DKKL1: variants seen among roughly 807,000 people sequenced by gnomAD.
The protein encoded by DKKL1 is dickkopf like acrosomal protein 1.
A neutral mutation model predicts 16.5 loss-of-function variants in DKKL1; 11 were observed. The observed-to-expected ratio is 0.67, with a 90% CI of 0.42 to 1.10. The LOEUF is 1.10. Ranked by LOEUF, DKKL1 falls within the 50% of genes least tolerant of loss-of-function variation. The pLI, the probability that DKKL1 is intolerant of heterozygous loss-of-function variation, is 0.00. For synonymous variants in DKKL1, 119 were observed against 133.2 expected (o/e 0.89, Z 0.73); for missense variants, 320 against 308.1 (o/e 1.04, Z -0.29).
At chr19:49,368,818 G>A (rs1412030272) in intron 4 of DKKL1, 1 of 152,006 alleles carries the variant, frequency 6.6e-6, no homozygotes, top group East Asian at 1.9e-4. Context: ...TACCTTCTGT[G>A]TCCTTGTACG....
At chr19:49,363,336 T>C (rs1296251295), upstream of DKKL1, 1 of 154,484 alleles carries the variant, frequency 6.5e-6, no homozygotes. Flanking sequence ...ACGGGACTTT[T>C]TAGTGGAGCG....
In DKKL1 at chr19:49,365,847, A is replaced by T. The variant is rs778424039; in HGVS notation, c.379A>T (p.Ile127Phe). 3.1e-6 allele frequency: 5 copies of T among 1,614,174 alleles called. No individual in the cohort carries two copies. The South Asian group carries it at 4.4e-5, about 14-fold the overall frequency. The change falls in exon 4 of 5, where the codon ATT becomes TTT. Residue 127 changes from isoleucine (I) to phenylalanine (F), a missense_variant. Coordinates refer to ENST00000221498, the MANE Select transcript of DKKL1 (RefSeq NM_014419.4). ...GATCTCCGAGAATGTGGTGGCATCC[A>T]TTCAACCAGCGGAGGGGAGCTTCGA... ...VLISENVVAS[I>F]QPAEGSFEGD...
In DKKL1 at chr19:49,374,229, G is replaced by A. The variant is rs192422068; in HGVS notation, c.418-488G>A. Among the ~76,000 whole-genome samples, 321 of 152,176 alleles carry A rather than the reference G, an allele frequency of 2.1e-3. 2 individuals are homozygous for A. Among genetic ancestry groups the A allele is most frequent in the African/African-American group, 7.5e-3 (310 of 41,536 alleles). On this transcript the variant is annotated intron_variant, in intron 4 of 4. Coordinates refer to ENST00000221498, the MANE Select transcript of DKKL1 (RefSeq NM_014419.4). ...TCTCGATCTCCTGACCTCGTGATCC[G>A]CCAGCCTCGGCCTCCCACAGTGCTG...
At position 49,363,995 on chromosome 19, in the gene DKKL1, G is replaced by T. The variant is rs1273338789; in HGVS notation, c.-4G>T. On this transcript the variant is annotated 5_prime_UTR_variant, in exon 1 of 5. Transcript: ENST00000221498. Reference sequence around the variant, plus strand: ...AAGGCGGAGCCCAGAAGAAGGGGCGGGGTATGGGAGAAGGTGAGGATTGAG... The same window carrying T: ...AAGGCGGAGCCCAGAAGAAGGGGCGTGGTATGGGAGAAGGTGAGGATTGAG... 1.2e-6 allele frequency: 2 copies of T among 1,613,342 alleles called. No homozygotes were observed. Among genetic ancestry groups the T allele is most frequent in the East Asian group, 2.2e-5 (1 of 44,882 alleles).
intron 4 of DKKL1, among the ~76,000 whole-genome samples, chr19:49,372,111 A>T (rs2146796770): frequency 6.6e-6 from 1 of 152,338 alleles, no homozygotes; most frequent in Admixed American, 6.5e-5. Context: ...GTAAAAAAAA[A>T]TAGTATAATA....
chr19:49,365,713 T>C (rs1358162136), intron 3 of DKKL1, 64 bp downstream of exon 3: 3 of 1,597,126 alleles, frequency 1.9e-6, no homozygotes, highest in Non-Finnish European at 2.6e-6. Flanking sequence ...CCATCCCTCG[T>C]GCTGCAGTAT....
chr19:49,361,907 G>A (rs953019314), upstream of DKKL1: 3 of 152,556 alleles, frequency 2.0e-5, no homozygotes, highest in African/African-American at 4.8e-5. Flanking sequence ...GTGGAGCCGG[G>A]TAAGAAAGGT....
intron 4 of DKKL1, among the ~76,000 whole-genome samples, chr19:49,371,613 T>C (rs561421746): frequency 1.3e-5 from 2 of 151,122 alleles, no homozygotes; most frequent in African/African-American, 2.5e-5. Context: ...TATTAAGACA[T>C]AGTATTTTTA....
chr19:49,368,169 C>T (rs536728372), intron 4 of DKKL1, among the ~76,000 whole-genome samples: 3 of 152,078 alleles, frequency 2.0e-5, no homozygotes, highest in South Asian at 2.1e-4. Flanking sequence ...AAAAATTAGC[C>T]GGGCATGGCA....
chr19:49,364,759 G>A lies in DKKL1; in HGVS notation c.183+5G>A. The A allele has an allele frequency of 1.9e-6, 3 of 1,611,856 alleles. No individual in the cohort carries two copies. Among genetic ancestry groups the A allele is most frequent in the East Asian group, 4.5e-5 (2 of 44,872 alleles). ...TTCAGCCGACTTTTCCTGAAAGTAAGCGATGGCGGGGGGATGGGGGAAGAA... is the reference window on the plus strand; with the variant it reads ...TTCAGCCGACTTTTCCTGAAAGTAAACGATGGCGGGGGGATGGGGGAAGAA... On this transcript the variant is annotated splice_donor_5th_base_variant and intron_variant, in intron 2 of 4. Transcript: ENST00000221498.
At chr19:49,368,835 A>G (rs951904681) in intron 4 of DKKL1, 1 of 152,192 alleles carries the variant, frequency 6.6e-6, no homozygotes, top group African/African-American at 2.4e-5. Flanking sequence ...TACGTTAACC[A>G]AGATATTTGG....
rs773314827 is a variant in DKKL1 at position 49,365,782 on chromosome 19, G to T, written c.325-11G>T. 7.4e-6 allele frequency: 12 copies of T among 1,613,248 alleles called. No homozygotes were observed. The highest frequency in any genetic ancestry group is 1.0e-5 in the Non-Finnish European group (12 of 1,179,672). The stretch of plus-strand genomic sequence containing the variant: ...CAGGTTTGCTCTCACTCTCTCATCG[G>T]ATCCTCACAGATGACCGACAACAAG... On this transcript the variant is annotated splice_polypyrimidine_tract_variant and intron_variant, in intron 3 of 4. Transcript: ENST00000221498.
chr19:49,361,089 A>G (rs111064775), upstream of DKKL1, among the ~76,000 whole-genome samples: 24,048 of 102,010 alleles, frequency 0.24, 3,402 homozygotes, highest in African/African-American at 0.28. Context: ...CAGAGACCCA[A>G]AAAGAGAGGG....
upstream of DKKL1, among the ~76,000 whole-genome samples, chr19:49,362,733 G>C (rs1251880356): frequency 6.6e-6 from 1 of 151,044 alleles, no homozygotes; most frequent in Non-Finnish European, 1.5e-5. Context: ...CTGGGTCTGG[G>C]AGAGGAAGCG....
chr19:49,370,585 A>G (rs1286625075), intron 4 of DKKL1: 1 of 152,130 alleles, frequency 6.6e-6, no homozygotes, highest in East Asian at 1.9e-4. Context: ...AGCCAAGGAA[A>G]AAGTTCCCAT....
intron 4 of DKKL1, among the ~76,000 whole-genome samples, chr19:49,368,488 A>AAAATAAATAAAT (rs1039855646): frequency 8.6e-5 from 13 of 151,158 alleles, no homozygotes; most frequent in African/African-American, 3.2e-4. Flanking sequence ...TCTGTCTCAA[A>AAAATAAATAAAT]AAATAAATAA....
At chr19:49,360,920 G>T (rs1972831002), upstream of DKKL1, among the ~76,000 whole-genome samples, 1 of 133,526 alleles carries the variant, frequency 7.5e-6, no homozygotes, top group South Asian at 2.8e-4. Context: ...AGAGAGAGAA[G>T]GGGACAGAGA....
Position 49,363,936 on chromosome 19 carries a change from G to C in DKKL1, c.-63G>C, listed in dbSNP as rs536239974. 240 of 1,603,848 alleles carry C rather than the reference G, an allele frequency of 1.5e-4. 2 individuals carry two copies. In the South Asian group the frequency reaches 2.6e-3, roughly 17 times the overall value. On this transcript the variant is annotated 5_prime_UTR_variant, in exon 1 of 5. Transcript: ENST00000221498. ...AACAGTACGTGGGCGGCCGGAATCC[G>C]GGAGTCCGGTGACCCGGGCTGTGGT...
At chr19:49,370,678 A>G (rs1166518984) in intron 4 of DKKL1, 1 of 152,246 alleles carries the variant, frequency 6.6e-6, no homozygotes, top group African/African-American at 2.4e-5. Flanking sequence ...CAAATGTGCC[A>G]AGGAAAAAGT....
Sources: gnomAD v4.1 joint callset for allele counts (sites outside exome capture counted in the v4.1 genomes callset) on GRCh38, gnomAD v4.1.1 for gene constraint, MANE v1.5 for transcripts, NCBI Gene and HGNC (gene_info 2026-07-23, HGNC 2026-07-21) for gene names.